The following PCDH15 variants were observed in gnomAD, a reference collection of about 807,000 sequenced individuals.
PCDH15 encodes protocadherin related 15.
In PCDH15, 129 loss-of-function variants were observed where a neutral mutation model predicts 178.5. That is an observed-to-expected ratio of 0.72 (90% confidence interval 0.63 to 0.84). The LOEUF (loss-of-function observed/expected upper bound fraction) is 0.84. Among genes scored for constraint, PCDH15 ranks in the 40% least tolerant of loss-of-function variants. The probability of loss-of-function intolerance (pLI) is 0.00; values close to 1 mark genes in which losing one functional copy is unlikely to be tolerated. For missense variants in PCDH15, 2,230 were observed against 2,099.9 expected (o/e 1.06, Z -1.21); for synonymous variants, 800 against 732.0 (o/e 1.09, Z -1.50).
chr10:55,215,004 A>T (rs570421458), intron 1 of PCDH15, among the ~76,000 whole-genome samples: 26 of 151,994 alleles, frequency 1.7e-4, no homozygotes, highest in African/African-American at 6.0e-4. Flanking sequence ...ACTTTAATGC[A>T]CTCTTTATTT....
chr10:54,197,188 A>C (rs1259462162), intron 10 of PCDH15, among the ~76,000 whole-genome samples: 1 of 147,612 alleles, frequency 6.8e-6, no homozygotes, highest in Admixed American at 6.7e-5. Flanking sequence ...CTTATGTATA[A>C]ATTTTCTTTT....
chr10:55,168,201 G>A lies in PCDH15; in HGVS notation c.-155-1550C>T, dbSNP rs191076509. ...GACAAATTATGGATGAGGTGTGATG[G>A]GATCTTCTAAATATTTGCCACCACC... On this transcript the variant is annotated intron_variant, in intron 1 of 5. Coordinates refer to the PCDH15 transcript ENST00000458638. 1.3e-3 allele frequency among the ~76,000 whole-genome samples: 198 copies of A among 152,170 alleles called. 2 individuals carry two copies. The highest frequency in any genetic ancestry group is 0.012 in the East Asian group (63 of 5,182).
chr10:55,072,050 G>A lies in PCDH15; in HGVS notation c.-80+94526C>T, dbSNP rs187041824. Among the ~76,000 whole-genome samples the A allele has an allele frequency of 1.5e-3, 227 of 152,056 alleles. 1 individual carries two copies. The highest frequency in any genetic ancestry group is 4.9e-3 in the African/African-American group (203 of 41,490). ...AATAAAGATGTTCTTTGAAACCAAC[G>A]AGAACAAAGACACAACATACCAGAA... On this transcript the variant is annotated intron_variant, in intron 2 of 5. Coordinates refer to the PCDH15 transcript ENST00000458638.
chr10:54,724,196 C>T (rs1942103205), intron 1 of PCDH15, among the ~76,000 whole-genome samples: 1 of 151,700 alleles, frequency 6.6e-6, no homozygotes. Flanking sequence ...TCATGACAAA[C>T]TGTGCAGCCA....
At chr10:53,847,350 A>G (rs1241782432) in intron 28 of PCDH15, among the ~76,000 whole-genome samples, 1 of 152,032 alleles carries the variant, frequency 6.6e-6, no homozygotes, top group Non-Finnish European at 1.5e-5. Context: ...ATATTTTTAC[A>G]CAAGCTTAGC....
chr10:54,709,943 A>AT (rs2095411470), intron 1 of PCDH15, among the ~76,000 whole-genome samples: 1 of 115,238 alleles, frequency 8.7e-6, no homozygotes, highest in Admixed American at 8.9e-5. Context: ...ACCTTTATGT[A>AT]TATATATATT....
At chr10:55,183,619 C>T (rs1049593998) in intron 1 of PCDH15, among the ~76,000 whole-genome samples, 3 of 151,518 alleles carry the variant, frequency 2.0e-5, no homozygotes, top group Non-Finnish European at 4.4e-5. Context: ...AACTCAAAAA[C>T]TAAAACTGCT....
chr10:54,270,359 G>C (rs1300253623), intron 8 of PCDH15, among the ~76,000 whole-genome samples: 1 of 152,094 alleles, frequency 6.6e-6, no homozygotes, highest in Non-Finnish European at 1.5e-5. Flanking sequence ...TAGATATTCA[G>C]TCATTGTCTA....
At chr10:55,403,707 T>C (rs1164423813) in intron 2 of PCDH15, among the ~76,000 whole-genome samples, 1 of 152,018 alleles carries the variant, frequency 6.6e-6, no homozygotes, top group Non-Finnish European at 1.5e-5. Flanking sequence ...AATACCTTGC[T>C]GTTTTTGGTT....
intron 1 of PCDH15, among the ~76,000 whole-genome samples, chr10:55,213,083 T>C (rs1840611037): frequency 6.6e-6 from 1 of 152,146 alleles, no homozygotes; most frequent in East Asian, 1.9e-4. Flanking sequence ...AATAGCATAA[T>C]GGTTCTTTTA....
At chr10:54,860,650 C>A (rs775226700) in intron 3 of PCDH15, among the ~76,000 whole-genome samples, 1 of 152,030 alleles carries the variant, frequency 6.6e-6, no homozygotes, top group Non-Finnish European at 1.5e-5. Flanking sequence ...ATTTATTTTT[C>A]TTGGGGTGTA....
intron 2 of PCDH15, among the ~76,000 whole-genome samples, chr10:54,978,389 G>C (rs188336989): frequency 2.6e-5 from 4 of 152,122 alleles, no homozygotes; most frequent in East Asian, 3.9e-4. Context: ...CTTTGAATGA[G>C]GGTAGAGATA....
At chr10:54,470,279 C>A (rs780007097) in intron 3 of PCDH15, among the ~76,000 whole-genome samples, 43 of 152,146 alleles carry the variant, frequency 2.8e-4, no homozygotes, top group Non-Finnish European at 2.9e-4. Flanking sequence ...ATAAACCGGG[C>A]AGCCTTTCTT....
At chr10:55,606,934 A>G (rs1423418814) in intron 2 of PCDH15, among the ~76,000 whole-genome samples, 1 of 149,128 alleles carries the variant, frequency 6.7e-6, no homozygotes, top group Admixed American at 6.7e-5. Flanking sequence ...GCACAGCAAA[A>G]GAAACTACCA....
rs534887936 is a variant in PCDH15, at chr10:55,439,195, TCCAAGTAAAACAGA to T, written c.-156+188416_-156+188429del. On this transcript the variant is annotated intron_variant, in intron 2 of 5. Coordinates refer to the PCDH15 transcript ENST00000613346. The stretch of plus-strand genomic sequence containing the variant: ...TTTTTCCAGTCAAAGTATAAGGACC[TCCAAGTAAAACAGA>T]CCAAGTCACATACACAGGAAAGAAA... Among the ~76,000 whole-genome samples, 99 of 152,144 alleles carry T rather than the reference TCCAAGTAAAACAGA, an allele frequency of 6.5e-4. 2 individuals are homozygous for T. The South Asian group carries it at 0.021, about 32-fold the overall frequency.
At chr10:55,286,501 GTTT>G (rs34383872) in intron 1 of PCDH15, among the ~76,000 whole-genome samples, 1 of 141,192 alleles carries the variant, frequency 7.1e-6, no homozygotes. Flanking sequence ...GTCTATGAGG[GTTT>G]TTTTTTTTTG....
chr10:54,550,045 G>A (rs933866854), intron 2 of PCDH15, among the ~76,000 whole-genome samples: 1 of 151,946 alleles, frequency 6.6e-6, no homozygotes, highest in African/African-American at 2.4e-5. Flanking sequence ...ATAGGATCCA[G>A]ACCACAAGCA....
At chr10:54,648,873 G>C (rs1222355556) in intron 2 of PCDH15, among the ~76,000 whole-genome samples, 2 of 152,078 alleles carry the variant, frequency 1.3e-5, no homozygotes, top group Non-Finnish European at 2.9e-5. Context: ...GATCATGTGT[G>C]GACAAATCTT....
At chr10:55,080,216 G>A (rs1842001911) in intron 2 of PCDH15, among the ~76,000 whole-genome samples, 1 of 152,092 alleles carries the variant, frequency 6.6e-6, no homozygotes, top group Non-Finnish European at 1.5e-5. Context: ...ACCAGTATGG[G>A]TCCACATAAC....
Sources: gnomAD v4.1 joint callset for allele counts (sites outside exome capture counted in the v4.1 genomes callset) on GRCh38, gnomAD v4.1.1 for gene constraint, MANE v1.5 for transcripts, NCBI Gene and HGNC (gene_info 2026-07-23, HGNC 2026-07-21) for gene names.